The following ICMT variants were observed in gnomAD, a reference collection of about 807,000 sequenced individuals.
The protein encoded by ICMT is protein-S-isoprenylcysteine O-methyltransferase.
A neutral mutation model predicts 32.2 loss-of-function variants in ICMT; 10 were observed. The observed-to-expected ratio is 0.31, with a 90% CI of 0.19 to 0.53. ICMT has a LOEUF of 0.53. Ranked by LOEUF, ICMT falls within the 20% of genes least tolerant of loss-of-function variation. The pLI is 0.96. For synonymous variants in ICMT, 183 were observed against 158.2 expected (o/e 1.16, Z -1.18); for missense variants, 265 against 356.9 (o/e 0.74, Z 2.07).
chr1:6,223,927 T>G lies in ICMT; in HGVS notation c.*1153A>C, dbSNP rs1045359589. ...CGTCTCACCTCTTAAAGCTTCGATG[T>G]GTGACTCAAAGCCAACTTACTCTCC... On this transcript the variant is annotated 3_prime_UTR_variant, in exon 5 of 5. Transcript: ENST00000343813. 6.6e-6 allele frequency: 1 copy of G among 152,258 alleles called. No homozygotes were observed. The highest frequency in any genetic ancestry group is 6.5e-5 in the Admixed American group (1 of 15,290). 9.4% of individuals were successfully genotyped at this position (152,258 alleles called of 1,614,324 possible).
At chr1:6,234,571 C>T (rs909157176) in intron 2 of ICMT, 2 of 490,990 alleles carry the variant, frequency 4.1e-6, no homozygotes, top group Non-Finnish European at 7.9e-6. Context: ...TGCCCCTGCC[C>T]GCCACCGAGG....
In ICMT at chr1:6,232,139, A is replaced by G. The variant is rs1668748054; in HGVS notation, c.455-20T>C. The G allele has an allele frequency of 6.3e-7, 1 of 1,591,162 alleles. No homozygotes were observed. Among genetic ancestry groups the G allele is most frequent in the South Asian group, 1.1e-5 (1 of 90,084 alleles). On this transcript the variant is annotated intron_variant, in intron 3 of 4. Transcript: ENST00000343813. ...TCAGTTCTGTGGGAGAGAGACATCA[A>G]CGACACACGGGGAGTGAAAACACTG...
chr1:6,235,355 T>C (rs1668805142), intron 1 of ICMT, among the ~76,000 whole-genome samples: 1 of 152,234 alleles, frequency 6.6e-6, no homozygotes, highest in African/African-American at 2.4e-5. Flanking sequence ...GCCTAGTTTA[T>C]GAGGTCAGGG....
intron 3 of ICMT, among the ~76,000 whole-genome samples, chr1:6,232,585 A>C (rs1180690015): frequency 6.6e-6 from 1 of 152,188 alleles, no homozygotes; most frequent in Admixed American, 6.6e-5. Context: ...TTTCACTCTC[A>C]TTGCCCAGGC....
chr1:6,226,510 T>C (rs974414216), intron 4 of ICMT, among the ~76,000 whole-genome samples: 19 of 152,176 alleles, frequency 1.2e-4, no homozygotes, highest in Admixed American at 4.6e-4. Flanking sequence ...TGGTCCCCTG[T>C]GGATGTGCAT....
chr1:6,226,857 T>C (rs1185570178), intron 4 of ICMT, among the ~76,000 whole-genome samples: 1 of 152,222 alleles, frequency 6.6e-6, no homozygotes, highest in Non-Finnish European at 1.5e-5. Flanking sequence ...ACTACAGGCA[T>C]GTGCCACTAT....
intron 4 of ICMT, among the ~76,000 whole-genome samples, chr1:6,231,046 T>C (rs967050917): frequency 1.3e-5 from 2 of 148,660 alleles, no homozygotes; most frequent in African/African-American, 2.5e-5. Context: ...ACAAAAAAAA[T>C]ACGAAAAGTA....
chr1:6,230,489 G>C (rs1323908419), intron 4 of ICMT, among the ~76,000 whole-genome samples: 1 of 151,524 alleles, frequency 6.6e-6, no homozygotes, highest in Non-Finnish European at 1.5e-5. Context: ...GGGAGGCTGA[G>C]GTAGGAGGAT....
chr1:6,224,791 C>T lies in ICMT; in HGVS notation c.*289G>A. 9 of 342,218 alleles carry T rather than the reference C, an allele frequency of 2.6e-5. No individual in the cohort carries two copies. Among genetic ancestry groups the T allele is most frequent in the South Asian group, 1.7e-4 (3 of 17,872 alleles). 21.2% of individuals were successfully genotyped at this position (342,218 alleles called of 1,614,324 possible). On this transcript the variant is annotated 3_prime_UTR_variant, in exon 5 of 5. Transcript: ENST00000343813. Reference sequence around the variant, plus strand: ...TGGCCTCGGGGGCAGTGGCGTGTGGCCTCGGTCCTCCCCAGGTAACTCTGG... The same window carrying T: ...TGGCCTCGGGGGCAGTGGCGTGTGGTCTCGGTCCTCCCCAGGTAACTCTGG...
At chr1:6,230,282 T>C (rs780128977) in intron 4 of ICMT, among the ~76,000 whole-genome samples, 32 of 152,122 alleles carry the variant, frequency 2.1e-4, no homozygotes, top group Non-Finnish European at 4.1e-4. Flanking sequence ...GCCCAACTAA[T>C]TTTTGTATTT....
At chr1:6,233,400 A>T (rs1668767555) in intron 3 of ICMT, 74 bp downstream of exon 3, 2 of 1,379,108 alleles carry the variant, frequency 1.5e-6, no homozygotes, top group Admixed American at 4.3e-5. Context: ...TGAAAGGTGA[A>T]TCAATGTCAC....
In ICMT at chr1:6,225,054, C is replaced by T. The variant is rs1668623539; in HGVS notation, c.*26G>A. The T allele has an allele frequency of 1.2e-6, 2 of 1,602,426 alleles. No individual in the cohort carries two copies. Among genetic ancestry groups the T allele is most frequent in the African/African-American group, 1.3e-5 (1 of 74,588 alleles). On this transcript the variant is annotated 3_prime_UTR_variant, in exon 5 of 5. Coordinates refer to ENST00000343813, the MANE Select transcript of ICMT (RefSeq NM_012405.4). ...TCCCAGGCTGCACAGGGTCGGAGGC[C>T]CCAAGGTCACCGGGGCCACTGCCCG...
chr1:6,222,668 C>G lies in ICMT; in HGVS notation c.*2412G>C, dbSNP rs1431471165. On this transcript the variant is annotated 3_prime_UTR_variant, in exon 5 of 5. Transcript: ENST00000343813. The stretch of plus-strand genomic sequence containing the variant: ...GTGTGAAGGTGGGCTTCCTGGGCCT[C>G]TGGCAGATGGAGGATGGCATTAAAT... The G allele has an allele frequency of 6.6e-6, 1 of 152,300 alleles. No homozygotes were observed. Among genetic ancestry groups the G allele is most frequent in the East Asian group, 1.9e-4 (1 of 5,182 alleles). 9.4% of individuals were successfully genotyped at this position (152,300 alleles called of 1,614,324 possible).
intron 4 of ICMT, among the ~76,000 whole-genome samples, chr1:6,227,033 T>C (rs745952240): frequency 6.6e-6 from 1 of 152,240 alleles, no homozygotes; most frequent in Non-Finnish European, 1.5e-5. Flanking sequence ...TGCAGCCTGT[T>C]ACTAAGCCAT....
In ICMT at chr1:6,221,922, C is replaced by T. The variant is rs940370153; in HGVS notation, c.*3158G>A. 1.3e-5 allele frequency: 2 copies of T among 152,194 alleles called. No individual in the cohort carries two copies. Among genetic ancestry groups the T allele is most frequent in the African/African-American group, 4.8e-5 (2 of 41,446 alleles). 9.4% of individuals were successfully genotyped at this position (152,194 alleles called of 1,614,324 possible). Reference sequence around the variant, plus strand: ...CCACTTCAGAATCTCCACTTTAAAACCTGCAATGGAAAAATAAATCTCTTG... The same window carrying T: ...CCACTTCAGAATCTCCACTTTAAAATCTGCAATGGAAAAATAAATCTCTTG... On this transcript the variant is annotated 3_prime_UTR_variant, in exon 5 of 5. Transcript: ENST00000343813.
rs1254053316 is a variant in ICMT, at chr1:6,223,274, T to A, written c.*1806A>T. ...AGGCACCCGCCAGCACGCCCAGCTA[T>A]TTTTTTGTATTTTTAGTAGAGACGG... On this transcript the variant is annotated 3_prime_UTR_variant, in exon 5 of 5. Coordinates refer to ENST00000343813, the MANE Select transcript of ICMT (RefSeq NM_012405.4). 9 of 152,154 alleles carry A rather than the reference T, an allele frequency of 5.9e-5. No homozygotes were observed. The highest frequency in any genetic ancestry group is 2.2e-4 in the African/African-American group (9 of 41,408). The allele number at this position is 152,154 out of a possible 1,614,324, so 9.4% of individuals were successfully genotyped here.
chr1:6,228,230 G>GCCTCA (rs1187478834), intron 4 of ICMT, among the ~76,000 whole-genome samples: 3 of 152,174 alleles, frequency 2.0e-5, no homozygotes, highest in Admixed American at 6.6e-5. Context: ...CGATCCTCCT[G>GCCTCA]CCTCAGCCTC....
At chr1:6,228,420 G>A (rs537059074) in intron 4 of ICMT, among the ~76,000 whole-genome samples, 1 of 151,574 alleles carries the variant, frequency 6.6e-6, no homozygotes, top group Non-Finnish European at 1.5e-5. Context: ...TCGGCTCACT[G>A]CAAGCTCCGC....
intron 3 of ICMT, among the ~76,000 whole-genome samples, chr1:6,232,796 C>T (rs1351186005): frequency 1.3e-5 from 2 of 152,112 alleles, no homozygotes. Flanking sequence ...GATCCACCCA[C>T]CTCGGCCTCC....
Sources: allele counts gnomAD v4.1 joint callset (sites outside exome capture counted in the v4.1 genomes callset), GRCh38; gene constraint gnomAD v4.1.1; transcripts MANE v1.5; gene names NCBI Gene and HGNC (gene_info 2026-07-23, HGNC 2026-07-21).